The following IL17RD variants were observed in gnomAD, a reference collection of about 807,000 sequenced individuals.
IL17RD encodes the protein interleukin 17 receptor D, also known as interleukin-17 receptor D.
A neutral mutation model predicts 80.5 loss-of-function variants in IL17RD; 52 were observed. The ratio of observed to expected loss-of-function variants is 0.65; its 90% CI spans 0.52 to 0.81. The LOEUF (loss-of-function observed/expected upper bound fraction) is 0.81, where lower values mean the gene tolerates loss of function less well. IL17RD is among the 40% of genes least tolerant of loss of function. The pLI, the probability that IL17RD is intolerant of heterozygous loss-of-function variation, is 0.00. For synonymous variants in IL17RD, 416 were observed against 391.8 expected (o/e 1.06, Z -0.73); for missense variants, 1,024 against 955.1 (o/e 1.07, Z -0.95).
chr3:57,126,986 G>A (rs907601729), intron 1 of IL17RD, among the ~76,000 whole-genome samples: 3 of 151,216 alleles, frequency 2.0e-5, no homozygotes, highest in African/African-American at 7.3e-5. Flanking sequence ...CACCATGCCT[G>A]GCTAATTTTT....
intron 5 of IL17RD, among the ~76,000 whole-genome samples, chr3:57,107,925 A>T (rs890812211): frequency 6.6e-6 from 1 of 152,218 alleles, no homozygotes; most frequent in Non-Finnish European, 1.5e-5. Flanking sequence ...ACATTAAATA[A>T]ACAGAACTTT....
At chr3:57,108,508 G>GGTTTT in intron 5 of IL17RD, among the ~76,000 whole-genome samples, 1 of 53,800 alleles carries the variant, frequency 1.9e-5, no homozygotes, top group Non-Finnish European at 3.3e-5. Flanking sequence ...TTGATACATG[G>GGTTTT]CTTTTTTTTT....
Position 57,102,516 on chromosome 3 carries a change from C to G in IL17RD, c.942G>C (p.Ala314=). 1.3e-6 allele frequency: 2 copies of G among 1,578,854 alleles called. No homozygotes were observed. The highest frequency in any genetic ancestry group is 1.7e-6 in the Non-Finnish European group (2 of 1,153,852). The change falls in exon 10 of 13, where the codon GCG becomes GCC. Residue 314 remains alanine (A), a synonymous_variant. Transcript: ENST00000296318. ...TVPLVVISAF[A]TLFTVMCRKK... ...TGCGGCACATCACAGTGAAGAGCGT[C>G]GCGAATGCCGATATGACTACCAGTG... is the stretch of plus-strand genomic sequence containing the variant.
intron 5 of IL17RD, among the ~76,000 whole-genome samples, chr3:57,107,696 G>A (rs908003398): frequency 6.6e-6 from 1 of 152,190 alleles, no homozygotes; most frequent in Non-Finnish European, 1.5e-5. Context: ...AACAGAAGGT[G>A]AACAGACCCA....
chr3:57,162,819 C>T (rs1579327489), intron 1 of IL17RD, among the ~76,000 whole-genome samples: 2 of 152,048 alleles, frequency 1.3e-5, no homozygotes, highest in South Asian at 2.1e-4. Context: ...AGTCTGAAGA[C>T]ATAGAAGTGA....
intron 1 of IL17RD, among the ~76,000 whole-genome samples, chr3:57,155,641 A>C (rs1559487051): frequency 2.0e-5 from 3 of 152,066 alleles, no homozygotes; most frequent in Non-Finnish European, 4.4e-5. Context: ...CCCAGGCTGG[A>C]GTACAATGGC....
intron 1 of IL17RD, among the ~76,000 whole-genome samples, chr3:57,148,963 T>C (rs1219456291): frequency 6.6e-6 from 1 of 151,906 alleles, no homozygotes; most frequent in Non-Finnish European, 1.5e-5. Context: ...ATGAACAAGG[T>C]TGGAAGGTTG....
Position 57,097,958 on chromosome 3 carries a change from A to C in IL17RD, c.1745T>G (p.Phe582Cys). Residue 582 changes from phenylalanine (F) to cysteine (C), a missense_variant, in exon 12 of 13, where the codon TTT (phenylalanine) becomes TGT (cysteine). Coordinates refer to ENST00000296318, the MANE Select transcript of IL17RD (RefSeq NM_017563.5). ...LRYREPVLEK[F>C]DSGLVLNDVM... is the part of the protein sequence containing the mutation. Reference sequence around the variant, plus strand: ...ATCATTTAAAACCAAGCCCGAATCAAATTTCTCCAAGACTGGCTCCCGGTA... The same window carrying C: ...ATCATTTAAAACCAAGCCCGAATCACATTTCTCCAAGACTGGCTCCCGGTA... The C allele has an allele frequency of 6.2e-7, 1 of 1,614,042 alleles. No homozygotes were observed. Among genetic ancestry groups the C allele is most frequent in the Non-Finnish European group, 8.5e-7 (1 of 1,179,892 alleles).
intron 1 of IL17RD, among the ~76,000 whole-genome samples, chr3:57,159,775 T>C (rs995067236): frequency 6.6e-6 from 1 of 152,296 alleles, no homozygotes; most frequent in South Asian, 2.1e-4. Flanking sequence ...CCTGTCAAGC[T>C]CCCTGATAGC....
chr3:57,144,002 C>T (rs895727736), intron 1 of IL17RD, among the ~76,000 whole-genome samples: 4 of 152,180 alleles, frequency 2.6e-5, no homozygotes, highest in African/African-American at 4.8e-5. Context: ...ATATTAGGCC[C>T]ATTTCAAGAT....
At chr3:57,150,680 T>C (rs1708041837) in intron 1 of IL17RD, among the ~76,000 whole-genome samples, 1 of 152,202 alleles carries the variant, frequency 6.6e-6, no homozygotes, top group South Asian at 2.1e-4. Flanking sequence ...ACCTGATGGA[T>C]GTGAGAGATC....
intron 1 of IL17RD, among the ~76,000 whole-genome samples, chr3:57,133,828 A>G (rs1166506186): frequency 6.6e-6 from 1 of 152,216 alleles, no homozygotes; most frequent in Non-Finnish European, 1.5e-5. Flanking sequence ...CCTCTCCTAT[A>G]GGGCTGAGGC....
At position 57,091,828 on chromosome 3, in the gene IL17RD, T is replaced by C. The variant is rs1706561539; in HGVS notation, c.*4565A>G. 1 of 152,218 alleles carries C rather than the reference T, an allele frequency of 6.6e-6. No homozygotes were observed. Among genetic ancestry groups the C allele is most frequent in the East Asian group, 1.9e-4 (1 of 5,194 alleles). 9.4% of individuals were successfully genotyped at this position (152,218 alleles called of 1,614,324 possible). A position where few individuals can be genotyped will look rare whatever the true frequency, so the allele number is the denominator to read the frequency against. On this transcript the variant is annotated 3_prime_UTR_variant, in exon 13 of 13. Transcript: ENST00000296318. ...ATAAAGAATACCATCTACAGCCATA[T>C]GTCTGGAATAATTCAGGCACAGCCC...
intron 1 of IL17RD, among the ~76,000 whole-genome samples, chr3:57,127,249 T>TAAAA (rs1707487161): frequency 2.0e-5 from 2 of 101,026 alleles, no homozygotes; most frequent in Non-Finnish European, 3.5e-5. Context: ...TAAATATATA[T>TAAAA]ATAAATATAT....
chr3:57,125,954 G>C (rs1707450804), intron 1 of IL17RD, among the ~76,000 whole-genome samples: 1 of 152,138 alleles, frequency 6.6e-6, no homozygotes, highest in Non-Finnish European at 1.5e-5. Context: ...TATACCCCAA[G>C]AACCTAGCTT....
rs750129098 is a variant in IL17RD at position 57,114,765 on chromosome 3, C to T, written c.237G>A (p.Gln79=). ...AAGCATACTGGCTGATGGTGATATT[C>T]TGGGCGTCAGCAATCACATGCTTCC... ...PVGKHVIADA[Q]NITISQYACH... Residue 79 remains glutamine, a synonymous_variant, in exon 3 of 13, where the codon CAG becomes CAA. Transcript: ENST00000296318. 8 of 1,611,908 alleles carry T rather than the reference C, an allele frequency of 5.0e-6. No individual in the cohort carries two copies. In the South Asian group the frequency reaches 8.8e-5, roughly 18 times the overall value.
intron 1 of IL17RD, among the ~76,000 whole-genome samples, chr3:57,146,132 G>C (rs13434271): frequency 0.093 from 14,216 of 152,126 alleles, 2,236 homozygotes; most frequent in African/African-American, 0.32. Flanking sequence ...AGTACAAATA[G>C]AATTTCCATG....
At chr3:57,122,367 T>C (rs1707359083) in intron 1 of IL17RD, among the ~76,000 whole-genome samples, 1 of 152,208 alleles carries the variant, frequency 6.6e-6, no homozygotes, top group African/African-American at 2.4e-5. Flanking sequence ...CACTCTACTC[T>C]AGGGGTCCCC....
rs761568010 is a variant in IL17RD, at chr3:57,097,782, C to G, written c.1921G>C (p.Ala641Pro). 6.2e-7 allele frequency: 1 copy of G among 1,602,580 alleles called. No individual in the cohort carries two copies. The highest frequency in any genetic ancestry group is 1.1e-5 in the South Asian group (1 of 88,880). The stretch of plus-strand genomic sequence containing the variant: ...GTGTGCAGCAGGGGTTGCAGGGCGG[C>G]GCTACCGTCAAGGGCAGGCCGGGCC... The part of the protein sequence containing the change: ...GEARPALDGS[A>P]ALQPLLHTVK... Residue 641 changes from alanine to proline, a missense_variant, in exon 12 of 13, where the codon GCC becomes CCC. Coordinates refer to ENST00000296318, the MANE Select transcript of IL17RD (RefSeq NM_017563.5).
Sources: gnomAD v4.1 joint callset for allele counts (sites outside exome capture counted in the v4.1 genomes callset) on GRCh38, gnomAD v4.1.1 for gene constraint, MANE v1.5 for transcripts, NCBI Gene and HGNC (gene_info 2026-07-23, HGNC 2026-07-21) for gene names.